UGGT2: variants seen among roughly 807,000 people sequenced by gnomAD.
UGGT2 encodes UDP-glucose:glycoprotein glucosyltransferase 2.
In UGGT2, 180 loss-of-function variants were observed where a neutral mutation model predicts 192.1. That is an observed-to-expected ratio of 0.94 (90% CI 0.83 to 1.06). The LOEUF is 1.06. Ranked by LOEUF, UGGT2 falls within the 50% of genes least tolerant of loss-of-function variation. The pLI, the probability that UGGT2 is intolerant of heterozygous loss-of-function variation, is 0.00. For missense variants in UGGT2, 1,849 were observed against 1,795.7 expected, an observed-to-expected ratio of 1.03 and a Z score of -0.54; for synonymous variants, 580 against 591.0, an observed-to-expected ratio of 0.98 and a Z score of 0.27.
chr13:95,996,228 G>A (rs963694378), intron 6 of UGGT2, 93 bp from the exon 7 acceptor site: 4 of 1,144,910 alleles, frequency 3.5e-6, no homozygotes, highest in African/African-American at 1.6e-5. Flanking sequence ...TTGGCCAGGT[G>A]CGGCAGCTCA....
intron 38 of UGGT2, among the ~76,000 whole-genome samples, chr13:95,814,298 T>C (rs1594056606): frequency 6.6e-6 from 1 of 152,206 alleles, no homozygotes; most frequent in South Asian, 2.1e-4. Context: ...GCCTCGGGGG[T>C]TGAACACGGC....
At chr13:95,984,838 C>T (rs576628539) in intron 9 of UGGT2, 1 of 152,298 alleles carries the variant, frequency 6.6e-6, no homozygotes, top group South Asian at 2.1e-4. Flanking sequence ...TACCTTGAAA[C>T]AGCCCACAAT....
intron 1 of UGGT2, among the ~76,000 whole-genome samples, chr13:96,044,415 G>T (rs2053248862): frequency 6.6e-6 from 1 of 152,116 alleles, no homozygotes; most frequent in Non-Finnish European, 1.5e-5. Flanking sequence ...GTCTGAAGGT[G>T]CACAGACAAT....
At chr13:95,841,350 G>A (rs981242026) in intron 36 of UGGT2, among the ~76,000 whole-genome samples, 2 of 152,174 alleles carry the variant, frequency 1.3e-5, no homozygotes, top group African/African-American at 4.8e-5. Flanking sequence ...TGGAGGTTCT[G>A]GCAGGGAAGC....
chr13:95,877,503 G>A, intron 28 of UGGT2, 139 bp from the exon 29 acceptor site: 2 of 966,508 alleles, frequency 2.1e-6, no homozygotes, highest in East Asian at 5.4e-5. Context: ...CAAGTAAAGA[G>A]ATTTTACAAT....
intron 12 of UGGT2, among the ~76,000 whole-genome samples, chr13:95,962,661 G>C (rs2050435957): frequency 6.6e-6 from 1 of 152,112 alleles, no homozygotes. Flanking sequence ...CCAAAAAAAT[G>C]AAGAGGAGAG....
intron 15 of UGGT2, among the ~76,000 whole-genome samples, chr13:95,946,485 C>T (rs904989184): frequency 1.3e-5 from 2 of 152,220 alleles, no homozygotes; most frequent in African/African-American, 4.8e-5. Flanking sequence ...CCTCCCACAT[C>T]AGTCTCCTGA....
intron 22 of UGGT2, 140 bp from the exon 23 acceptor site, chr13:95,895,444 C>T (rs2047920033): frequency 4.2e-6 from 2 of 475,986 alleles, no homozygotes; most frequent in African/African-American, 4.1e-5. Flanking sequence ...TTAATCCTGC[C>T]ATTTACTAAA....
chr13:95,987,203 G>A (rs1384033309), intron 8 of UGGT2, among the ~76,000 whole-genome samples: 44 of 151,970 alleles, frequency 2.9e-4, no homozygotes, highest in Non-Finnish European at 2.9e-5. Flanking sequence ...CCCATATTCA[G>A]CCCCAAAGTC....
intron 12 of UGGT2, among the ~76,000 whole-genome samples, chr13:95,955,013 T>C (rs1299245917): frequency 1.3e-5 from 2 of 152,326 alleles, no homozygotes; most frequent in African/African-American, 4.8e-5. Flanking sequence ...GCCCGATGTC[T>C]TACAAGAAAG....
At position 95,809,412 on chromosome 13, in the gene UGGT2, C is replaced by T. The variant is rs531471788; in HGVS notation, c.4529-7600G>A. The T allele has an allele frequency of 1.3e-5, 5 of 390,000 alleles. No individual in the cohort carries two copies. In the East Asian group the frequency reaches 2.2e-4, roughly 17 times the overall value. 24.2% of individuals were successfully genotyped at this position (390,000 alleles called of 1,614,324 possible). On this transcript the variant is annotated intron_variant, in intron 38 of 38. Transcript: ENST00000376747. ...AAATCTTCTTTACTTTCTTGATTAGCCACTTCAGCCCATTTTCCCTTTGCT... is the reference window on the plus strand; with the variant it reads ...AAATCTTCTTTACTTTCTTGATTAGTCACTTCAGCCCATTTTCCCTTTGCT...
Position 95,902,919 on chromosome 13 carries a change from G to C in UGGT2, c.2437C>G (p.Leu813Val), listed in dbSNP as rs2048152900. 6.2e-7 allele frequency: 1 copy of C among 1,613,456 alleles called. No homozygotes were observed. The highest frequency in any genetic ancestry group is 1.3e-5 in the African/African-American group (1 of 74,990). Residue 813 changes from leucine (L) to valine (V), a missense_variant, in exon 21 of 39, where the codon CTG becomes GTG. Transcript: ENST00000376747. ...NMFLRSFLGQ[L>V]AKEEIATAIY... ...GCTGTAGCAATTTCTTCCTTTGCCA[G>C]TTGCCCAAGAAAGCTTCTCAAAAAC...
chr13:96,029,421 G>A (rs962925593), intron 2 of UGGT2, among the ~76,000 whole-genome samples: 3 of 151,842 alleles, frequency 2.0e-5, no homozygotes, highest in African/African-American at 7.3e-5. Flanking sequence ...CGAGTAGCTG[G>A]ATTACAGGCC....
At chr13:95,869,824 T>A (rs971461243) in intron 29 of UGGT2, among the ~76,000 whole-genome samples, 1 of 152,208 alleles carries the variant, frequency 6.6e-6, no homozygotes, top group African/African-American at 2.4e-5. Flanking sequence ...ATAATTCATA[T>A]TCTCAATGAG....
At chr13:95,999,418 G>T in intron 5 of UGGT2, 111 bp from the exon 6 acceptor site, 1 of 958,188 alleles carries the variant, frequency 1.0e-6, no homozygotes, top group Non-Finnish European at 1.6e-6. Flanking sequence ...TAATATTGAA[G>T]GTTTTTAATC....
At chr13:96,051,142 C>T (rs2053474014) in intron 1 of UGGT2, among the ~76,000 whole-genome samples, 1 of 152,196 alleles carries the variant, frequency 6.6e-6, no homozygotes, top group Non-Finnish European at 1.5e-5. Context: ...CCACGGAATA[C>T]TATGCAGCCA....
At chr13:96,052,554 C>T (rs1235378481) in intron 1 of UGGT2, among the ~76,000 whole-genome samples, 1 of 152,092 alleles carries the variant, frequency 6.6e-6, no homozygotes, top group Admixed American at 6.5e-5. Context: ...CACACTGTTG[C>T]TGTGGTGAAC....
At chr13:95,967,522 G>A (rs2050625940) in intron 12 of UGGT2, among the ~76,000 whole-genome samples, 1 of 142,582 alleles carries the variant, frequency 7.0e-6, no homozygotes, top group Non-Finnish European at 1.5e-5. Flanking sequence ...CGCCCAGGCT[G>A]GAGTGCAGTA....
chr13:95,903,180 C>A, intron 20 of UGGT2, 120 bp from the exon 21 acceptor site: 1 of 914,522 alleles, frequency 1.1e-6, no homozygotes, highest in Non-Finnish European at 1.6e-6. Context: ...ACTATCAAAG[C>A]CCTCCCATGT....
Sources: gnomAD v4.1 joint callset for allele counts (sites outside exome capture counted in the v4.1 genomes callset) on GRCh38, gnomAD v4.1.1 for gene constraint, MANE v1.5 for transcripts, NCBI Gene and HGNC (gene_info 2026-07-23, HGNC 2026-07-21) for gene names.